Variants in RPN1 observed in about 807,000 individuals in gnomAD.
The protein encoded by RPN1 is ribophorin I, also known as dolichyl-diphosphooligosaccharide--protein glycosyltransferase subunit 1.
A neutral mutation model predicts 55.5 loss-of-function variants in RPN1; 12 were observed. The ratio of observed to expected loss-of-function variants is 0.22; its 90% CI spans 0.14 to 0.35. RPN1 has a LOEUF of 0.35. RPN1 is among the 10% of genes least tolerant of loss of function. The pLI is 1.00. For missense variants in RPN1, 679 were observed against 761.3 expected (o/e 0.89, Z 1.27); for synonymous variants, 317 against 305.9 (o/e 1.04, Z -0.38).
At chr3:128,625,185 G>A (rs139968076) in intron 8 of RPN1, among the ~76,000 whole-genome samples, 4 of 152,244 alleles carry the variant, frequency 2.6e-5, no homozygotes, top group African/African-American at 9.6e-5. Context: ...CAAGGGGGAG[G>A]TGGGGAGGGA....
intron 5 of RPN1, among the ~76,000 whole-genome samples, chr3:128,629,711 T>C (rs2069627816): frequency 6.6e-6 from 1 of 152,244 alleles, no homozygotes; most frequent in African/African-American, 2.4e-5. Context: ...CGGTTCCATC[T>C]GATGACAGAA....
intron 5 of RPN1, 54 bp from the exon 6 acceptor site, chr3:128,626,886 G>T: frequency 1.3e-6 from 2 of 1,523,214 alleles, no homozygotes; most frequent in South Asian, 1.1e-5. Context: ...CAAATGGGCA[G>T]GAGAGAAAGA....
chr3:128,640,258 A>G (rs1391330709), intron 2 of RPN1, among the ~76,000 whole-genome samples: 2 of 152,228 alleles, frequency 1.3e-5, no homozygotes, highest in Non-Finnish European at 2.9e-5. Flanking sequence ...TTTCCAAGCC[A>G]GGAGAACAAT....
At position 128,637,855 on chromosome 3, in the gene RPN1, G is replaced by T. The variant is rs150901401; in HGVS notation, c.577C>A (p.Arg193Ser). 30 of 1,613,872 alleles carry T rather than the reference G, an allele frequency of 1.9e-5. No homozygotes were observed. The highest frequency in any genetic ancestry group is 2.5e-5 in the Non-Finnish European group (29 of 1,180,048). The change falls in exon 3 of 10, where the codon CGC becomes AGC. Residue 193 changes from arginine (R) to serine (S), a missense_variant. Arg to Ser is a moderately radical substitution (Grantham distance 110). Coordinates refer to ENST00000296255, the MANE Select transcript of RPN1 (RefSeq NM_002950.4). ...CCATAATCCAGTAGGTCCTCAGAGC[G>T]CGTGGGGTTCCCCAGCTTGGTGTAG... ...ESYTKLGNPT[R>S]SEDLLDYGPF...
intron 3 of RPN1, among the ~76,000 whole-genome samples, chr3:128,632,867 T>C (rs765770124): frequency 2.0e-5 from 3 of 152,190 alleles, no homozygotes; most frequent in Non-Finnish European, 4.4e-5. Flanking sequence ...AGTGCTGGGA[T>C]TACAGGCATG....
chr3:128,636,994 T>C (rs1379310877), intron 3 of RPN1, among the ~76,000 whole-genome samples: 1 of 152,152 alleles, frequency 6.6e-6, no homozygotes, highest in Non-Finnish European at 1.5e-5. Flanking sequence ...CCCAGCACTT[T>C]GGGAGACAAA....
intron 3 of RPN1, 32 bp from the exon 4 acceptor site, chr3:128,632,189 T>C (rs1459643494): frequency 1.2e-6 from 2 of 1,607,508 alleles, no homozygotes; most frequent in Non-Finnish European, 8.5e-7. Flanking sequence ...GTTCAAAGTT[T>C]TGGCAACAGA....
intron 5 of RPN1, chr3:128,627,085 A>G: frequency 2.2e-6 from 1 of 463,678 alleles, no homozygotes; most frequent in East Asian, 3.9e-5. Flanking sequence ...GAGAACGCAG[A>G]GAGAAGAAAC....
intron 3 of RPN1, among the ~76,000 whole-genome samples, chr3:128,633,814 C>A (rs2069658398): frequency 1.3e-5 from 2 of 151,806 alleles, no homozygotes; most frequent in African/African-American, 4.8e-5. Flanking sequence ...GAAACCCCGT[C>A]TCTACTAAAA....
intron 3 of RPN1, among the ~76,000 whole-genome samples, chr3:128,635,132 G>A (rs967124983): frequency 7.9e-5 from 12 of 151,958 alleles, no homozygotes; most frequent in Non-Finnish European, 1.6e-4. Context: ...CAACCCCACC[G>A]TGCAACAATA....
At chr3:128,650,165 G>A (rs1042467255) in intron 1 of RPN1, among the ~76,000 whole-genome samples, 2 of 152,248 alleles carry the variant, frequency 1.3e-5, no homozygotes, top group Admixed American at 1.3e-4. Context: ...ACGGAAGGGA[G>A]GTGCGTTCTA....
At chr3:128,650,399 C>G in intron 1 of RPN1, 141 bp downstream of exon 1, 2 of 837,750 alleles carry the variant, frequency 2.4e-6, no homozygotes, top group Non-Finnish European at 3.5e-6. Context: ...GAGGCAATCC[C>G]ACGGACCCCC....
At chr3:128,629,344 T>G (rs760203283) in intron 5 of RPN1, among the ~76,000 whole-genome samples, 3 of 152,168 alleles carry the variant, frequency 2.0e-5, no homozygotes, top group Non-Finnish European at 4.4e-5. Context: ...GTGGATCACC[T>G]GAGGTCAGGA....
Position 128,624,244 on chromosome 3 carries a change from G to A in RPN1, c.1395+1290C>T, listed in dbSNP as rs953251684. Among the ~76,000 whole-genome samples, 15 of 152,262 alleles carry A rather than the reference G, an allele frequency of 9.9e-5. 2 individuals are homozygous for A. The highest frequency in any genetic ancestry group is 3.9e-4 in the East Asian group (2 of 5,178). On this transcript the variant is annotated intron_variant, in intron 8 of 9. Coordinates refer to ENST00000296255, the MANE Select transcript of RPN1 (RefSeq NM_002950.4). ...TCATGCCTGTAATCCCAGCACTTTG[G>A]GAGGCCGAGGCGGGTGGATCACGAG... is the stretch of plus-strand genomic sequence containing the variant.
chr3:128,647,790 ATT>A (rs997851713), intron 1 of RPN1, among the ~76,000 whole-genome samples: 2 of 152,104 alleles, frequency 1.3e-5, no homozygotes, highest in African/African-American at 2.4e-5. Flanking sequence ...ATTGAAAAAT[ATT>A]GTTACTTAAT....
In RPN1 at chr3:128,637,890, T is replaced by C; in HGVS notation, c.542A>G (p.Asn181Ser). ...CCCCAGCTTGGTGTAGCTCTCCACA[T>C]TTCGAGAGGCAAGCTTCACACGCAT... is the stretch of plus-strand genomic sequence containing the variant. ...QTMRVKLASRNVESYTKLGNP... is the reference protein window; with the variant it reads ...QTMRVKLASRSVESYTKLGNP... Residue 181 changes from asparagine to serine, a missense_variant, in exon 3 of 10, where the codon AAT becomes AGT. Around this residue, in one of 3 missense-constraint regions of RPN1, gnomAD observed 352 missense variants for 352.8 expected, o/e 1.00. Transcript: ENST00000296255. 4 of 1,614,084 alleles carry C rather than the reference T, an allele frequency of 2.5e-6. No individual in the cohort carries two copies. The highest frequency in any genetic ancestry group is 3.4e-6 in the Non-Finnish European group (4 of 1,180,012).
At chr3:128,642,062 C>G (rs2069729513) in intron 2 of RPN1, among the ~76,000 whole-genome samples, 1 of 152,156 alleles carries the variant, frequency 6.6e-6, no homozygotes, top group African/African-American at 2.4e-5. Context: ...ACTAAGTTAC[C>G]TTGCCTATCC....
chr3:128,634,412 A>T (rs1408713279), intron 3 of RPN1, among the ~76,000 whole-genome samples: 1 of 152,144 alleles, frequency 6.6e-6, no homozygotes, highest in African/African-American at 2.4e-5. Flanking sequence ...GGTATTACAC[A>T]ATACTTTATA....
intron 4 of RPN1, 122 bp from the exon 5 acceptor site, chr3:128,630,265 C>A (rs2107715465): frequency 3.5e-6 from 2 of 572,072 alleles, no homozygotes; most frequent in South Asian, 7.4e-5. Flanking sequence ...AAAATAGTCC[C>A]CAAACATAAA....
Sources: allele counts gnomAD v4.1 joint callset (sites outside exome capture counted in the v4.1 genomes callset), GRCh38; gene constraint gnomAD v4.1.1; regional missense constraint gnomAD v4.1.1; transcripts MANE v1.5; gene names NCBI Gene and HGNC (gene_info 2026-07-23, HGNC 2026-07-21).